Variants in CSMD1 observed in about 807,000 individuals in gnomAD.
CSMD1 encodes the protein CUB and Sushi multiple domains 1.
In CSMD1, 213 loss-of-function variants were observed where a neutral mutation model predicts 417.5. The ratio of observed to expected loss-of-function variants is 0.51; its 90% CI spans 0.46 to 0.57. The LOEUF (loss-of-function observed/expected upper bound fraction) is 0.57. CSMD1 is among the 20% of genes least tolerant of loss of function. CSMD1 has a pLI of 0.00. For missense variants in CSMD1, 6,923 were observed against 4,529.7 expected (o/e 1.53, Z -15.17); for synonymous variants, 2,862 against 1,736.8 (o/e 1.65, Z -16.11).
chr8:4,401,349 T>C (rs1191227901), intron 3 of CSMD1, among the ~76,000 whole-genome samples: 1 of 152,176 alleles, frequency 6.6e-6, no homozygotes, highest in African/African-American at 2.4e-5. Flanking sequence ...AACCCACACG[T>C]ATTGTTATTA....
At chr8:3,729,922 T>A (rs1302311825) in intron 6 of CSMD1, among the ~76,000 whole-genome samples, 1 of 47,062 alleles carries the variant, frequency 2.1e-5, no homozygotes, top group African/African-American at 1.4e-4. Flanking sequence ...CAATTCAAAG[T>A]AAAAAAAAAA....
chr8:4,149,820 C>G (rs369736953), intron 3 of CSMD1, among the ~76,000 whole-genome samples: 2 of 152,134 alleles, frequency 1.3e-5, no homozygotes, highest in Non-Finnish European at 1.5e-5. Context: ...ATTAAAATAC[C>G]ACTTTAATTG....
intron 1 of CSMD1, among the ~76,000 whole-genome samples, chr8:4,760,021 T>C (rs1243695162): frequency 1.3e-5 from 2 of 152,168 alleles, no homozygotes; most frequent in Admixed American, 1.3e-4. Context: ...TAATTTACAT[T>C]CCACCAACAG....
chr8:3,892,407 G>C (rs1272198938), intron 5 of CSMD1, among the ~76,000 whole-genome samples: 1 of 152,024 alleles, frequency 6.6e-6, no homozygotes, highest in Admixed American at 6.6e-5. Context: ...AGATCATCAA[G>C]GAGAACTTCC....
chr8:3,913,655 G>C lies in CSMD1; in HGVS notation c.818+84248C>G, dbSNP rs1469908854. Among the ~76,000 whole-genome samples, 4 of 152,274 alleles carry C rather than the reference G, an allele frequency of 2.6e-5. No individual in the cohort carries two copies. In the East Asian group the frequency reaches 5.8e-4, roughly 22 times the overall value. On this transcript the variant is annotated intron_variant, in intron 5 of 69. Transcript: ENST00000635120. Reference sequence around the variant, plus strand: ...GGAGTCATCCAGCATTGAGACATTTGGGTCAGGGCCATCGAAATATCAAGG... The same window carrying C: ...GGAGTCATCCAGCATTGAGACATTTCGGTCAGGGCCATCGAAATATCAAGG...
intron 6 of CSMD1, among the ~76,000 whole-genome samples, chr8:3,714,045 T>TAGATAGAC (rs1554519413): frequency 3.0e-4 from 46 of 151,428 alleles, no homozygotes; most frequent in African/African-American, 6.1e-4. Flanking sequence ...GATAGATAGA[T>TAGATAGAC]AGATAGATAG....
At chr8:4,116,308 T>C (rs1411896039) in intron 3 of CSMD1, among the ~76,000 whole-genome samples, 2 of 152,254 alleles carry the variant, frequency 1.3e-5, no homozygotes, top group East Asian at 1.9e-4. Flanking sequence ...ATAGAATCTT[T>C]AGGACGGTGA....
intron 5 of CSMD1, among the ~76,000 whole-genome samples, chr8:3,813,206 C>G (rs371992792): frequency 6.6e-6 from 1 of 150,700 alleles, no homozygotes; most frequent in Non-Finnish European, 1.5e-5. Context: ...AGTCAGGTAT[C>G]CTTGCTAATA....
At chr8:4,694,513 G>A (rs755324375) in intron 1 of CSMD1, among the ~76,000 whole-genome samples, 19 of 151,848 alleles carry the variant, frequency 1.3e-4, no homozygotes, top group Non-Finnish European at 2.5e-4. Context: ...GTGTCACCAT[G>A]CCAGGCTAAT....
chr8:4,184,730 A>G (rs1175380732), intron 3 of CSMD1, among the ~76,000 whole-genome samples: 13 of 152,000 alleles, frequency 8.6e-5, no homozygotes, highest in Admixed American at 8.5e-4. Flanking sequence ...ACCGTGAAAA[A>G]TAACTAATGG....
At chr8:3,401,253 T>C (rs992898176) in intron 15 of CSMD1, among the ~76,000 whole-genome samples, 1 of 152,164 alleles carries the variant, frequency 6.6e-6, no homozygotes, top group African/African-American at 2.4e-5. Flanking sequence ...ATCTGCATGA[T>C]AAGTTATTTC....
chr8:4,314,015 AAAT>A (rs555919279), intron 3 of CSMD1, among the ~76,000 whole-genome samples: 12 of 150,206 alleles, frequency 8.0e-5, no homozygotes, highest in Non-Finnish European at 1.0e-4. Flanking sequence ...ATCCGTCTCA[AAAT>A]AATAATAATA....
At chr8:4,797,114 A>G (rs1332633375) in intron 1 of CSMD1, among the ~76,000 whole-genome samples, 1 of 152,174 alleles carries the variant, frequency 6.6e-6, no homozygotes, top group Non-Finnish European at 1.5e-5. Context: ...ATGAATACAG[A>G]TGTGATTGCA....
At chr8:3,928,970 A>T (rs890012102) in intron 5 of CSMD1, among the ~76,000 whole-genome samples, 6 of 150,688 alleles carry the variant, frequency 4.0e-5, no homozygotes, top group Admixed American at 2.6e-4. Context: ...TTGTGTGCTA[A>T]AACAATTGGT....
At chr8:4,099,655 A>G (rs899965610) in intron 3 of CSMD1, among the ~76,000 whole-genome samples, 7 of 152,150 alleles carry the variant, frequency 4.6e-5, no homozygotes, top group African/African-American at 1.7e-4. Flanking sequence ...GAATAAACCA[A>G]TGCAGTCTGC....
chr8:4,619,026 A>C (rs773055804), intron 2 of CSMD1, among the ~76,000 whole-genome samples: 13 of 152,158 alleles, frequency 8.5e-5, no homozygotes, highest in Non-Finnish European at 1.9e-4. Context: ...TTCAAAAATA[A>C]TTTACCTATT....
chr8:4,340,851 C>T (rs1164430668), intron 3 of CSMD1, among the ~76,000 whole-genome samples: 2 of 152,044 alleles, frequency 1.3e-5, no homozygotes, highest in Non-Finnish European at 1.5e-5. Context: ...TTGCTAATTA[C>T]ACTGTACTAT....
intron 8 of CSMD1, among the ~76,000 whole-genome samples, chr8:3,612,661 A>C (rs762394401): frequency 2.0e-5 from 3 of 152,142 alleles, no homozygotes; most frequent in Non-Finnish European, 4.4e-5. Context: ...ACAAAATAGA[A>C]AACTTTCAAA....
At chr8:4,979,003 A>G (rs750207440) in intron 1 of CSMD1, among the ~76,000 whole-genome samples, 3 of 152,162 alleles carry the variant, frequency 2.0e-5, no homozygotes, top group African/African-American at 7.2e-5. Flanking sequence ...AACCTTAAAA[A>G]TCTACTTTGA....
Sources: allele counts gnomAD v4.1 joint callset (sites outside exome capture counted in the v4.1 genomes callset), GRCh38; gene constraint gnomAD v4.1.1; transcripts MANE v1.5; gene names NCBI Gene and HGNC (gene_info 2026-07-23, HGNC 2026-07-21).